PAK3: variants seen among roughly 807,000 people sequenced by gnomAD.
PAK3 encodes the protein p21 (RAC1) activated kinase 3, also known as serine/threonine-protein kinase PAK 3.
Under a neutral mutation model 41.0 loss-of-function variants are expected in PAK3, and 4 were observed. The ratio of observed to expected loss-of-function variants is 0.10; its 90% confidence interval spans 0.05 to 0.22. The LOEUF is 0.22. PAK3 is among the 10% of genes least tolerant of loss of function. PAK3 has a pLI of 1.00. For missense variants in PAK3, 205 were observed against 409.9 expected, an observed-to-expected ratio of 0.50 and a Z score of 4.32; for synonymous variants, 146 against 139.6, an observed-to-expected ratio of 1.05 and a Z score of -0.32.
At chrX:111,043,204 G>A (rs953424003) in intron 1 of PAK3, among the ~76,000 whole-genome samples, 1 of 110,040 alleles carries the variant, frequency 9.1e-6, no homozygotes, top group African/African-American at 3.3e-5. Flanking sequence ...TGAGGCAGGA[G>A]GATTGCTAGA....
At chrX:111,081,468 G>A (rs1359628642) in intron 1 of PAK3, among the ~76,000 whole-genome samples, 3 of 110,894 alleles carry the variant, frequency 2.7e-5, no homozygotes, top group Admixed American at 9.5e-5. Flanking sequence ...ATGAAACACT[G>A]CATTCCAGCC....
chrX:111,123,079 G>T lies in PAK3; in HGVS notation c.-25G>T. On this transcript the variant is annotated splice_region_variant and 5_prime_UTR_variant, in exon 5 of 18. Coordinates refer to ENST00000372007, the MANE Select transcript of PAK3 (RefSeq NM_002578.5). ...TTTTTTTCCCTCCTTTTCTTTAGGA[G>T]CTGTGAAATTAGTTGTAACTGAAAA... 1 of 1,162,105 alleles carries T rather than the reference G, an allele frequency of 8.6e-7. No individual in the cohort carries two copies.
At chrX:111,064,158 A>G (rs1184102375) in intron 1 of PAK3, among the ~76,000 whole-genome samples, 1 of 112,205 alleles carries the variant, frequency 8.9e-6, no homozygotes, top group African/African-American at 3.2e-5. Flanking sequence ...GGGCTCTGAC[A>G]TGCTCCTACT....
chrX:111,159,212 T>C (rs2094141529), intron 8 of PAK3, among the ~76,000 whole-genome samples: 2 of 112,162 alleles, frequency 1.8e-5, no homozygotes, highest in Admixed American at 9.5e-5. Context: ...TTTTGCTAAA[T>C]ATGAAAATCA....
chrX:111,095,543 T>C (rs1035106297), upstream of PAK3, among the ~76,000 whole-genome samples: 1 of 112,330 alleles, frequency 8.9e-6, no homozygotes, highest in Non-Finnish European at 1.9e-5. Flanking sequence ...AGGGAAAGGA[T>C]GGACAGAGAG....
intron 10 of PAK3, among the ~76,000 whole-genome samples, chrX:111,164,781 C>T (rs1208299222): frequency 8.9e-6 from 1 of 112,054 alleles, no homozygotes; most frequent in Non-Finnish European, 1.9e-5. Flanking sequence ...TAGAATGAAA[C>T]TTTCCTGTCA....
rs149591758 is a variant in PAK3, at chrX:110,955,133, G to T, written c.-28+10505G>T. Among the ~76,000 whole-genome samples the T allele has an allele frequency of 2.7e-5, 3 of 112,096 alleles. No individual in the cohort carries two copies. The South Asian group carries it at 1.1e-3, about 42-fold the overall frequency. Reference sequence around the variant, plus strand: ...AGACTCATTGATCTACGACTGATACGATTCAAACTCATGAACATAACCAAA... The same window carrying T: ...AGACTCATTGATCTACGACTGATACTATTCAAACTCATGAACATAACCAAA... On this transcript the variant is annotated intron_variant, in intron 1 of 14. Coordinates refer to the PAK3 transcript ENST00000425146.
intron 5 of PAK3, among the ~76,000 whole-genome samples, chrX:111,124,445 T>C (rs1199217576): frequency 8.9e-6 from 1 of 111,909 alleles, no homozygotes; most frequent in Non-Finnish European, 1.9e-5. Flanking sequence ...TGTACCATAA[T>C]GTGGAGACCA....
intron 1 of PAK3, among the ~76,000 whole-genome samples, chrX:110,985,644 C>T (rs748469383): frequency 1.4e-4 from 16 of 112,178 alleles, no homozygotes; most frequent in African/African-American, 5.2e-4. Context: ...GTTGCAAGAC[C>T]AGTTTGGTCA....
chrX:111,182,891 G>A (rs925495807), intron 11 of PAK3, among the ~76,000 whole-genome samples: 1 of 111,274 alleles, frequency 9.0e-6, no homozygotes, highest in South Asian at 3.8e-4. Flanking sequence ...ACTTGTGTGT[G>A]GTTATACCAA....
chrX:111,195,428 A>C (rs1410744178), intron 14 of PAK3, among the ~76,000 whole-genome samples: 8 of 112,129 alleles, frequency 7.1e-5, no homozygotes, highest in African/African-American at 2.6e-4. Flanking sequence ...AGTTTGGGGC[A>C]CTTGTTTTAA....
At chrX:111,173,530 G>A (rs1419342505) in intron 11 of PAK3, among the ~76,000 whole-genome samples, 3 of 111,175 alleles carry the variant, frequency 2.7e-5, no homozygotes, top group African/African-American at 9.8e-5. Flanking sequence ...ATGATCCGGA[G>A]GTAGGCAGAG....
chrX:111,211,501 C>A (rs1284391530), intron 16 of PAK3, among the ~76,000 whole-genome samples: 3 of 109,086 alleles, frequency 2.8e-5, no homozygotes, highest in African/African-American at 6.7e-5. Flanking sequence ...CATGGTGAAA[C>A]CCTGTCTCTA....
intron 1 of PAK3, among the ~76,000 whole-genome samples, chrX:111,034,863 G>A (rs1418278932): frequency 9.1e-6 from 1 of 110,465 alleles, no homozygotes; most frequent in East Asian, 2.8e-4. Flanking sequence ...CACTTTGGAA[G>A]GCTAAATTGG....
intron 5 of PAK3, among the ~76,000 whole-genome samples, chrX:111,126,042 T>A (rs2093644041): frequency 9.0e-6 from 1 of 111,502 alleles, no homozygotes; most frequent in Non-Finnish European, 1.9e-5. Flanking sequence ...AACTTCAGGA[T>A]TCGACTTCAC....
At chrX:111,017,159 T>C (rs1225302084) in intron 1 of PAK3, among the ~76,000 whole-genome samples, 2 of 110,980 alleles carry the variant, frequency 1.8e-5, no homozygotes, top group Non-Finnish European at 3.8e-5. Context: ...CTTCACACCT[T>C]AAGGAATTAA....
chrX:111,045,763 A>G (rs1369305646), intron 1 of PAK3, among the ~76,000 whole-genome samples: 1 of 111,288 alleles, frequency 9.0e-6, no homozygotes, highest in Non-Finnish European at 1.9e-5. Context: ...ATTCTAGGAA[A>G]CTGCTTCCAT....
chrX:111,190,639 G>A (rs1281282725), intron 11 of PAK3, among the ~76,000 whole-genome samples: 1 of 111,232 alleles, frequency 9.0e-6, no homozygotes, highest in Admixed American at 9.6e-5. Flanking sequence ...ACTACACACC[G>A]AGTTTACTCC....
chrX:111,041,603 C>G (rs1299161535), intron 1 of PAK3, among the ~76,000 whole-genome samples: 2 of 111,623 alleles, frequency 1.8e-5, no homozygotes, highest in Admixed American at 9.5e-5. Context: ...CACTGTACCC[C>G]CTGTGCCTTC....
Sources: allele counts gnomAD v4.1 joint callset (sites outside exome capture counted in the v4.1 genomes callset), GRCh38; gene constraint gnomAD v4.1.1; transcripts MANE v1.5; gene names NCBI Gene and HGNC (gene_info 2026-07-23, HGNC 2026-07-21).